The following LRRC8C variants were observed in gnomAD, a reference collection of about 807,000 sequenced individuals.
The protein encoded by LRRC8C is volume-regulated anion channel subunit LRRC8C.
LRRC8C carries 20 observed loss-of-function variants against 55.3 expected under a neutral mutation model. The observed-to-expected ratio is 0.36, with a 90% CI of 0.25 to 0.53. The LOEUF is 0.53. LRRC8C is among the 20% of genes least tolerant of loss of function. The pLI is 0.92. For missense variants in LRRC8C, 659 were observed against 951.4 expected (o/e 0.69, Z 4.04); for synonymous variants, 376 against 360.7 (o/e 1.04, Z -0.48).
chr1:89,642,692 A>G (rs1656494295), intron 1 of LRRC8C, among the ~76,000 whole-genome samples: 1 of 152,200 alleles, frequency 6.6e-6, no homozygotes, highest in Non-Finnish European at 1.5e-5. Flanking sequence ...TACTAAAAAT[A>G]CAAAAATTAG....
chr1:89,692,806 T>C (rs1484253380), intron 2 of LRRC8C, among the ~76,000 whole-genome samples: 1 of 152,176 alleles, frequency 6.6e-6, no homozygotes, highest in Non-Finnish European at 1.5e-5. Context: ...ACAACACTAT[T>C]CAAAAACTCA....
chr1:89,673,441 C>G lies in LRRC8C; in HGVS notation c.-4-13029C>G, dbSNP rs1181686458. Among the ~76,000 whole-genome samples the G allele has an allele frequency of 3.9e-5, 6 of 152,276 alleles. No individual in the cohort carries two copies. The East Asian group carries it at 1.2e-3, about 29-fold the overall frequency. On this transcript the variant is annotated intron_variant, in intron 1 of 2. Transcript: ENST00000370454. Reference sequence around the variant, plus strand: ...TTTCTCAGGAAGACCTCATCTGGCTCCAAGCCAGCTTTCTTACTAATAATA... The same window carrying G: ...TTTCTCAGGAAGACCTCATCTGGCTGCAAGCCAGCTTTCTTACTAATAATA...
chr1:89,672,297 C>T (rs369188820), intron 1 of LRRC8C, among the ~76,000 whole-genome samples: 3 of 152,188 alleles, frequency 2.0e-5, no homozygotes, highest in South Asian at 2.1e-4. Context: ...GAGTGACCTA[C>T]ACTTCTACTT....
intron 1 of LRRC8C, among the ~76,000 whole-genome samples, chr1:89,653,584 CT>C (rs1212611642): frequency 9.9e-5 from 15 of 152,066 alleles, no homozygotes; most frequent in African/African-American, 3.1e-4. Context: ...AGGATGGAAC[CT>C]ATTATAATAA....
intron 2 of LRRC8C, among the ~76,000 whole-genome samples, chr1:89,692,666 A>G (rs1384843112): frequency 6.6e-6 from 1 of 152,226 alleles, no homozygotes; most frequent in East Asian, 1.9e-4. Context: ...AGATTACATC[A>G]ATCCACATAA....
chr1:89,707,532 A>G (rs1658518541), intron 2 of LRRC8C, among the ~76,000 whole-genome samples: 2 of 152,066 alleles, frequency 1.3e-5, no homozygotes, highest in Admixed American at 1.3e-4. Context: ...GGAAATCTTT[A>G]GATTACAGAT....
intron 1 of LRRC8C, among the ~76,000 whole-genome samples, chr1:89,649,839 C>A (rs1408269077): frequency 6.6e-6 from 1 of 152,172 alleles, no homozygotes; most frequent in African/African-American, 2.4e-5. Flanking sequence ...TCTTTCTTAT[C>A]ACACACCTGT....
In LRRC8C at chr1:89,713,649, T is replaced by C. The variant is rs1441433965; in HGVS notation, c.1079T>C (p.Ile360Thr). The change falls in exon 3 of 3, where the codon ATT becomes ACT. Residue 360 changes from isoleucine (I) to threonine (T), a missense_variant. Physicochemically the swap from Ile to Thr is moderately conservative, Grantham distance 89 (BLOSUM62 -1). Coordinates refer to ENST00000370454, the MANE Select transcript of LRRC8C (RefSeq NM_032270.5). The surrounding 1 kb of genome is among the most constrained non-coding windows in gnomAD (Gnocchi z 5.2). Reference protein sequence around the residue: ...SFEYVRQETGIDDIPDVKNDF... With the variant: ...SFEYVRQETGTDDIPDVKNDF... The stretch of plus-strand genomic sequence containing the variant: ...GAGTATGTCCGTCAGGAGACTGGAA[T>C]TGATGATATTCCAGATGTGAAAAAT... The C allele has an allele frequency of 6.2e-7, 1 of 1,614,064 alleles. No individual in the cohort carries two copies. Among genetic ancestry groups the C allele is most frequent in the African/African-American group, 1.3e-5 (1 of 74,938 alleles).
intron 1 of LRRC8C, among the ~76,000 whole-genome samples, chr1:89,637,060 G>A (rs6428561): frequency 0.56 from 84,542 of 151,800 alleles, 23,951 homozygotes; most frequent in East Asian, 0.79. Flanking sequence ...TTGTTCAACC[G>A]AGGCTTCTCG....
At chr1:89,681,028 TG>T (rs1657693313) in intron 1 of LRRC8C, among the ~76,000 whole-genome samples, 1 of 152,222 alleles carries the variant, frequency 6.6e-6, no homozygotes, top group African/African-American at 2.4e-5. Flanking sequence ...TAAAATCCTT[TG>T]TAGCAAGTTG....
At chr1:89,673,111 A>G (rs1265055410) in intron 1 of LRRC8C, among the ~76,000 whole-genome samples, 3 of 152,042 alleles carry the variant, frequency 2.0e-5, no homozygotes, top group East Asian at 1.9e-4. Flanking sequence ...TCTTTCTTCC[A>G]TACTTTTTTC....
At chr1:89,704,773 A>C (rs193266761) in intron 2 of LRRC8C, among the ~76,000 whole-genome samples, 5 of 152,180 alleles carry the variant, frequency 3.3e-5, no homozygotes, top group African/African-American at 1.2e-4. Flanking sequence ...TCAGGAAACA[A>C]CAGGTACTGG....
intron 1 of LRRC8C, among the ~76,000 whole-genome samples, chr1:89,638,748 A>T (rs1656367378): frequency 6.6e-6 from 1 of 152,132 alleles, no homozygotes; most frequent in Non-Finnish European, 1.5e-5. Flanking sequence ...TATTAAATTC[A>T]TAAAGTTGTC....
chr1:89,698,588 A>T (rs1236890214), intron 2 of LRRC8C, among the ~76,000 whole-genome samples: 1 of 152,156 alleles, frequency 6.6e-6, no homozygotes. Flanking sequence ...TTAATTATGT[A>T]TTAATAAAAC....
At chr1:89,617,978 G>A in the LRRC8C span, among the ~76,000 whole-genome samples, 3 of 152,116 alleles carry the variant, frequency 2.0e-5, no homozygotes, top group Admixed American at 6.5e-5. Flanking sequence ...ATAACTATAT[G>A]TTCACCAATC....
chr1:89,659,048 GTT>G lies in LRRC8C; in HGVS notation c.-5+25739_-5+25740del, dbSNP rs771955175. On this transcript the variant is annotated intron_variant, in intron 1 of 2. Transcript: ENST00000370454. Reference sequence around the variant, plus strand: ...AAATTTTAGGTTGTGTCTTCTCCAGGTTTTTTTTTTTTTTGTGTGTGTGTGTG... The same window carrying G: ...AAATTTTAGGTTGTGTCTTCTCCAGGTTTTTTTTTTTTGTGTGTGTGTGTG... 1.4e-3 allele frequency among the ~76,000 whole-genome samples: 36 copies of G among 26,224 alleles called. 1 individual carries two copies. The highest frequency in any genetic ancestry group is 3.1e-3 in the African/African-American group (29 of 9,498). The allele number at this position is 26,224 out of a possible 152,430, so 17.2% of individuals were successfully genotyped here.
In LRRC8C at chr1:89,685,237, G is replaced by C. The variant is rs370558743; in HGVS notation, c.-4-1233G>C. Among the ~76,000 whole-genome samples the C allele has an allele frequency of 4.0e-3, 586 of 147,722 alleles. 5 individuals carry two copies. The highest frequency in any genetic ancestry group is 0.014 in the African/African-American group (549 of 40,160). On this transcript the variant is annotated intron_variant, in intron 1 of 2. Coordinates refer to ENST00000370454, the MANE Select transcript of LRRC8C (RefSeq NM_032270.5). ...GGGTTCACGCCATTCTCCTGCCTCA[G>C]CCTCCCGAGTAGCTGGGACTACAGG...
At chr1:89,624,646 G>C in the LRRC8C span, among the ~76,000 whole-genome samples, 8 of 152,206 alleles carry the variant, frequency 5.3e-5, no homozygotes, top group Admixed American at 1.3e-4. Flanking sequence ...GGCTTATCTT[G>C]ACAGATATTC....
the LRRC8C span, among the ~76,000 whole-genome samples, chr1:89,620,068 G>A: frequency 6.6e-6 from 1 of 152,128 alleles, no homozygotes; most frequent in African/African-American, 2.4e-5. Context: ...TGAGAAGTTC[G>A]GGTCAAGTCA....
Sources: gnomAD v4.1 joint callset for allele counts (sites outside exome capture counted in the v4.1 genomes callset) on GRCh38, gnomAD v4.1.1 for gene constraint, Gnocchi (gnomAD v3.1) non-coding constraint, MANE v1.5 for transcripts, NCBI Gene and HGNC (gene_info 2026-07-23, HGNC 2026-07-21) for gene names.